Variants in ABCA1 observed in about 807,000 individuals in gnomAD.
The protein encoded by ABCA1 is phospholipid-transporting ATPase ABCA1.
A neutral mutation model predicts 262.5 loss-of-function variants in ABCA1; 133 were observed. The observed-to-expected ratio is 0.51, with a 90% confidence interval of 0.44 to 0.59. ABCA1 has a LOEUF of 0.59. Ranked by LOEUF, ABCA1 falls within the 20% of genes least tolerant of loss-of-function variation. The pLI is 0.00. For missense variants in ABCA1, 2,452 were observed against 2,777.5 expected, an observed-to-expected ratio of 0.88 and a Z score of 2.63; for synonymous variants, 1,022 against 1,043.5, an observed-to-expected ratio of 0.98 and a Z score of 0.40.
intron 7 of ABCA1, among the ~76,000 whole-genome samples, chr9:104,853,574 C>T (rs1006652108): frequency 5.3e-5 from 8 of 152,130 alleles, no homozygotes; most frequent in Non-Finnish European, 7.4e-5. Context: ...TGTTGGTGGT[C>T]GAACTTCAGT....
chr9:104,802,534 T>C (rs1830428603), intron 33 of ABCA1, among the ~76,000 whole-genome samples: 2 of 152,172 alleles, frequency 1.3e-5, no homozygotes, highest in Non-Finnish European at 1.5e-5. Flanking sequence ...CAGAGTAGGC[T>C]GCGCTGGCCT....
chr9:104,792,068 GC>G (rs1829474782), intron 42 of ABCA1, 70 bp from the exon 43 acceptor site: 1 of 1,422,974 alleles, frequency 7.0e-7, no homozygotes, highest in Admixed American at 1.8e-5. Context: ...ACTGTGGAAG[GC>G]AGGACTATAA....
chr9:104,831,560 C>A, intron 13 of ABCA1, 62 bp downstream of exon 13: 1 of 1,367,750 alleles, frequency 7.3e-7, no homozygotes, highest in South Asian at 1.2e-5. Flanking sequence ...ACCTCTTGTC[C>A]TAATATAATA....
At chr9:104,825,598 G>T (rs1411218512) in intron 17 of ABCA1, 85 bp downstream of exon 17, 1 of 1,383,184 alleles carries the variant, frequency 7.2e-7, no homozygotes, top group Non-Finnish European at 1.0e-6. Flanking sequence ...TCCCAGGGAA[G>T]CCCATGCACT....
chr9:104,891,992 A>G (rs1400298434), intron 2 of ABCA1, among the ~76,000 whole-genome samples: 4 of 151,186 alleles, frequency 2.6e-5, no homozygotes, highest in African/African-American at 9.7e-5. Flanking sequence ...AAAAAAAAAA[A>G]AAAAGTGATG....
At chr9:104,874,561 C>T (rs1837941276) in intron 5 of ABCA1, among the ~76,000 whole-genome samples, 1 of 152,052 alleles carries the variant, frequency 6.6e-6, no homozygotes, top group South Asian at 2.1e-4. Flanking sequence ...CAGAGTAAGA[C>T]TCCGTCTCAA....
At chr9:104,804,042 C>G (rs1443315551) in intron 32 of ABCA1, among the ~76,000 whole-genome samples, 1 of 152,228 alleles carries the variant, frequency 6.6e-6, no homozygotes, top group African/African-American at 2.4e-5. Flanking sequence ...ATACTCCTAA[C>G]TGAAAGACCC....
intron 2 of ABCA1, among the ~76,000 whole-genome samples, chr9:104,899,533 A>C (rs1588547755): frequency 6.6e-6 from 1 of 152,150 alleles, no homozygotes; most frequent in South Asian, 2.1e-4. Flanking sequence ...GTCTCTACTA[A>C]AAATACAAAA....
chr9:104,821,187 G>A (rs1180324875), intron 20 of ABCA1, among the ~76,000 whole-genome samples, 188 bp downstream of exon 20: 1 of 152,106 alleles, frequency 6.6e-6, no homozygotes, highest in Non-Finnish European at 1.5e-5. Context: ...AGGTTGCAGT[G>A]AGCCGAGATC....
At chr9:104,863,505 G>C (rs1459197412) in intron 5 of ABCA1, among the ~76,000 whole-genome samples, 1 of 152,196 alleles carries the variant, frequency 6.6e-6, no homozygotes, top group Admixed American at 6.5e-5. Flanking sequence ...GGCTTAATGA[G>C]GACAGGAGTT....
intron 11 of ABCA1, among the ~76,000 whole-genome samples, chr9:104,835,983 G>GA (rs1833783627): frequency 6.6e-6 from 1 of 152,186 alleles, no homozygotes; most frequent in South Asian, 2.1e-4. Flanking sequence ...GGACCAGGAA[G>GA]AACAGGTCTG....
chr9:104,788,717 C>T (rs1829143376), intron 44 of ABCA1, 150 bp from the exon 45 acceptor site: 6 of 1,049,562 alleles, frequency 5.7e-6, no homozygotes. Flanking sequence ...TTTCTGCCCC[C>T]AGGATGCTAG....
chr9:104,911,776 T>C (rs781238689), intron 1 of ABCA1, among the ~76,000 whole-genome samples: 25 of 152,164 alleles, frequency 1.6e-4, no homozygotes, highest in Non-Finnish European at 3.4e-4. Context: ...TGAAACTGTG[T>C]TCCTATTTTT....
chr9:104,805,625 T>C (rs1419003841), intron 31 of ABCA1, among the ~76,000 whole-genome samples: 1 of 151,770 alleles, frequency 6.6e-6, no homozygotes, highest in East Asian at 1.9e-4. Context: ...AATTCAGAGG[T>C]GAAGAAACAG....
chr9:104,817,133 A>T lies in ABCA1; in HGVS notation c.3535+199T>A. On this transcript the variant is annotated intron_variant, in intron 24 of 49. Coordinates refer to ENST00000374736, the MANE Select transcript of ABCA1 (RefSeq NM_005502.4). This position sits in a 1 kb window ranked among gnomAD's most constrained non-coding sequence, Gnocchi z 4.7. ...GGGACACTGCCCTGCTAGCTCCCAA[A>T]CCGAGCCCCAGGCACCCCAGCAAGC... The T allele has an allele frequency of 1.1e-6, 1 of 879,954 alleles. No individual in the cohort carries two copies. Among genetic ancestry groups the T allele is most frequent in the Non-Finnish European group, 1.4e-6 (1 of 734,148 alleles). 54.5% of individuals were successfully genotyped at this position (879,954 alleles called of 1,614,324 possible).
At chr9:104,895,534 C>T (rs930496627) in intron 2 of ABCA1, among the ~76,000 whole-genome samples, 6 of 152,132 alleles carry the variant, frequency 3.9e-5, no homozygotes, top group Non-Finnish European at 7.4e-5. Flanking sequence ...GGGGGATAAC[C>T]GGCCCCGGTC....
chr9:104,806,181 C>A (rs558032948), intron 31 of ABCA1, 60 bp downstream of exon 31: 7 of 1,516,836 alleles, frequency 4.6e-6, no homozygotes, highest in African/African-American at 1.4e-5. Flanking sequence ...TGCTTCCAAG[C>A]GGAAGCTACC....
chr9:104,853,781 A>G (rs1171396837), intron 7 of ABCA1, among the ~76,000 whole-genome samples: 10 of 152,204 alleles, frequency 6.6e-5, no homozygotes, highest in Admixed American at 6.5e-4. Flanking sequence ...AAAAGCAGAG[A>G]GCTGCAGAGG....
rs1259928828 is a variant in ABCA1 at position 104,862,664 on chromosome 9, C to CGGGCAGGGCA, written c.422-865_422-864insTGCCCTGCCC. Among the ~76,000 whole-genome samples the CGGGCAGGGCA allele has an allele frequency of 5.7e-4, 4 of 7,068 alleles. 1 individual carries two copies. The highest frequency in any genetic ancestry group is 1.6e-3 in the African/African-American group (3 of 1,832). 4.6% of individuals were successfully genotyped at this position (7,068 alleles called of 152,430 possible). On this transcript the variant is annotated intron_variant, in intron 5 of 49. Transcript: ENST00000374736. ...CGGGCCGGGCCGGGCCGGGCCGGGCCGGGCCGGGCCGGGCCGGGCCGGGCC... is the reference window on the plus strand; with the variant it reads ...CGGGCCGGGCCGGGCCGGGCCGGGCCGGGCAGGGCAGGGCCGGGCCGGGCCGGGCCGGGCC...
Sources: allele counts gnomAD v4.1 joint callset (sites outside exome capture counted in the v4.1 genomes callset), GRCh38; gene constraint gnomAD v4.1.1; non-coding constraint Gnocchi (gnomAD v3.1); transcripts MANE v1.5; gene names NCBI Gene and HGNC (gene_info 2026-07-23, HGNC 2026-07-21).